ADRA2B: variants seen among roughly 807,000 people sequenced by gnomAD.
ADRA2B encodes alpha-2B adrenergic receptor.
In ADRA2B, 14 loss-of-function variants were observed where a neutral mutation model predicts 14.4. That is an observed-to-expected ratio of 0.97 (90% CI 0.64 to 1.52). ADRA2B has a LOEUF of 1.52. Ranked by LOEUF, ADRA2B falls within the 40% of genes most tolerant of loss-of-function variation. The pLI is 0.00. For missense variants in ADRA2B, 606 were observed against 603.2 expected (o/e 1.00, Z -0.05); for synonymous variants, 250 against 263.7 (o/e 0.95, Z 0.50).
chr2:96,115,694 G>T lies in ADRA2B; in HGVS notation c.456C>A (p.Gly152=). 1 of 1,613,554 alleles carries T rather than the reference G, an allele frequency of 6.2e-7. No individual in the cohort carries two copies. Among genetic ancestry groups the T allele is most frequent in the Non-Finnish European group, 8.5e-7 (1 of 1,179,814 alleles). Residue 152 remains glycine, a synonymous_variant, in exon 1 of 1, where the codon GGC becomes GGA. Transcript: ENST00000620793. ...GCCCGCGCGGCTGGGGGCCCTGGTC[G>T]CCCTTGTAGATGAGGGGCGGCAGCG... is the stretch of plus-strand genomic sequence containing the variant. The part of the protein sequence containing the change: ...VISLPPLIYK[G]DQGPQPRGRP...
rs372356977 is a variant in ADRA2B, at chr2:96,115,582, G to T, written c.568C>A (p.Leu190Ile). ...ATCAGGTAGATGCGCAGGTAGACAAGGATCATGATGAGGCAAGGAGCAAAG... is the reference window on the plus strand; with the variant it reads ...ATCAGGTAGATGCGCAGGTAGACAATGATCATGATGAGGCAAGGAGCAAAG... Reference protein sequence around the residue: ...SFFAPCLIMILVYLRIYLIAK... With the variant: ...SFFAPCLIMIIVYLRIYLIAK... Residue 190 changes from leucine to isoleucine, a missense_variant, in exon 1 of 1, where the codon CTT becomes ATT. Physicochemically the swap from Leu to Ile is conservative, Grantham distance 5. Transcript: ENST00000620793. 1 of 1,613,828 alleles carries T rather than the reference G, an allele frequency of 6.2e-7. No individual in the cohort carries two copies. The highest frequency in any genetic ancestry group is 8.5e-7 in the Non-Finnish European group (1 of 1,179,910).
At position 96,114,883 on chromosome 2, in the gene ADRA2B, G is replaced by A. The variant is rs764017593; in HGVS notation, c.1267C>T (p.Pro423Ser). ...TGGTTGAAGATGGTGTAGATAACAG[G>A]GTTCAGTGAGCTGTTGCAGTAGCCG... Reference protein sequence around the residue: ...WIGYCNSSLNPVIYTIFNQDF... With the variant: ...WIGYCNSSLNSVIYTIFNQDF... Residue 423 changes from proline to serine, a missense_variant, in exon 1 of 1, where the codon CCT becomes TCT. Coordinates refer to ENST00000620793, the MANE Select transcript of ADRA2B (RefSeq NM_000682.7). The A allele has an allele frequency of 3.7e-6, 6 of 1,613,744 alleles. No individual in the cohort carries two copies. In the East Asian group the frequency reaches 6.7e-5, roughly 18 times the overall value.
In ADRA2B at chr2:96,115,463, C is replaced by T. The variant is rs750494938; in HGVS notation, c.687G>A (p.Leu229=). The T allele has an allele frequency of 1.2e-6, 2 of 1,613,376 alleles. No individual in the cohort carries two copies. Among genetic ancestry groups the T allele is most frequent in the Non-Finnish European group, 1.7e-6 (2 of 1,179,778 alleles). ...CCAGGGCTGGCAGTTTGGCTGAGGC[C>T]AAAGCCCCACCATGGTCGGGTCGGG... is the stretch of plus-strand genomic sequence containing the variant. ...KQPRPDHGGA[L]ASAKLPALAS... Residue 229 remains leucine (L), a synonymous_variant, in exon 1 of 1, where the codon TTG becomes TTA. Coordinates refer to ENST00000620793, the MANE Select transcript of ADRA2B (RefSeq NM_000682.7).
Position 96,115,680 on chromosome 2 carries a change from T to C in ADRA2B, c.470A>G (p.Gln157Arg). The change falls in exon 1 of 1, where the codon CAG becomes CGG. Residue 157 changes from glutamine to arginine, a missense_variant. Transcript: ENST00000620793. ...CTTGCACTGGGGGCGCCCGCGCGGCTGGGGGCCCTGGTCGCCCTTGTAGAT... is the reference window on the plus strand; with the variant it reads ...CTTGCACTGGGGGCGCCCGCGCGGCCGGGGGCCCTGGTCGCCCTTGTAGAT... ...PLIYKGDQGP[Q>R]PRGRPQCKLN... 1.2e-6 allele frequency: 2 copies of C among 1,613,622 alleles called. No individual in the cohort carries two copies. The highest frequency in any genetic ancestry group is 1.7e-6 in the Non-Finnish European group (2 of 1,179,858).
Position 96,114,138 on chromosome 2 carries a change from G to A in ADRA2B, c.*659C>T, listed in dbSNP as rs1681809834. 4.1e-6 allele frequency: 4 copies of A among 985,764 alleles called. No homozygotes were observed. Among genetic ancestry groups the A allele is most frequent in the Non-Finnish European group, 3.6e-6 (3 of 829,978 alleles). The allele number at this position is 985,764 out of a possible 1,614,324, so 61.1% of individuals were successfully genotyped here. On this transcript the variant is annotated 3_prime_UTR_variant, in exon 1 of 1. Coordinates refer to ENST00000620793, the MANE Select transcript of ADRA2B (RefSeq NM_000682.7). ...CATCCACGTGGCCACCCACCTACCG[G>A]AGGGGTGCTGGGTAAGGAAGCCGAT...
rs1681831695 is a variant in ADRA2B at position 96,115,039 on chromosome 2, A to C, written c.1111T>G (p.Phe371Val). 1.6e-5 allele frequency: 26 copies of C among 1,613,682 alleles called. No individual in the cohort carries two copies. Among genetic ancestry groups the C allele is most frequent in the Non-Finnish European group, 2.1e-5 (25 of 1,179,818 alleles). ...AQLTREKRFT[F>V]VLAVVIGVFV... The stretch of plus-strand genomic sequence containing the variant: ...ACGCCAATGACCACAGCCAGCACGA[A>C]GGTGAAGCGCTTCTCCCGGGTCAGC... Residue 371 changes from phenylalanine (F) to valine (V), a missense_variant, in exon 1 of 1, where the codon TTC (phenylalanine) becomes GTC (valine). Coordinates refer to ENST00000620793, the MANE Select transcript of ADRA2B (RefSeq NM_000682.7).
rs753262027 is a variant in ADRA2B at position 96,115,804 on chromosome 2, G to C, written c.346C>G (p.Arg116Gly). 1.2e-6 allele frequency: 2 copies of C among 1,613,302 alleles called. No homozygotes were observed. Among genetic ancestry groups the C allele is most frequent in the Non-Finnish European group, 1.7e-6 (2 of 1,179,654 alleles). ...ISLDRYWAVS[R>G]ALEYNSKRTP... ...CGCTTGGAGTTGTACTCCAGCGCGC[G>C]GCTCACGGCCCAGTAGCGGTCCAGG... The change falls in exon 1 of 1, where the codon CGC becomes GGC. Residue 116 changes from arginine (R) to glycine (G), a missense_variant. Physicochemically the swap from Arg to Gly is moderately radical, Grantham distance 125. Coordinates refer to ENST00000620793, the MANE Select transcript of ADRA2B (RefSeq NM_000682.7).
rs1681869281 is a variant in ADRA2B at position 96,116,125 on chromosome 2, C to T, written c.25G>A (p.Val9Met). The change falls in exon 1 of 1, where the codon GTG (valine) becomes ATG (methionine). Residue 9 changes from valine (V) to methionine (M), a missense_variant. Transcript: ENST00000620793. Reference sequence around the variant, plus strand: ...GCCGCTATGGCCGCTGTGGCCTGCACGGAGTAGGGGTCCTGGTGGTCCATG... The same window carrying T: ...GCCGCTATGGCCGCTGTGGCCTGCATGGAGTAGGGGTCCTGGTGGTCCATG... MDHQDPYS[V>M]QATAAIAAAI... is the part of the protein sequence containing the mutation. 1.9e-6 allele frequency: 3 copies of T among 1,611,148 alleles called. No individual in the cohort carries two copies. The highest frequency in any genetic ancestry group is 1.3e-5 in the African/African-American group (1 of 74,914).
Position 96,115,555 on chromosome 2 carries a change from C to A in ADRA2B, c.595G>T (p.Ala199Ser). ...GGACCTCTGCGGTTGCTGCGTTTGG[C>A]GATCAGGTAGATGCGCAGGTAGACA... ...ILVYLRIYLI[A>S]KRSNRRGPRA... The change falls in exon 1 of 1, where the codon GCC becomes TCC. Residue 199 changes from alanine to serine, a missense_variant. By Grantham distance (99) the Ala-to-Ser change is moderately conservative. Transcript: ENST00000620793. The A allele has an allele frequency of 6.2e-7, 1 of 1,613,858 alleles. No individual in the cohort carries two copies. Among genetic ancestry groups the A allele is most frequent in the African/African-American group, 1.3e-5 (1 of 75,046 alleles).
chr2:96,115,795 C>G lies in ADRA2B; in HGVS notation c.355G>C (p.Glu119Gln), dbSNP rs1558709082. ...DRYWAVSRAL[E>Q]YNSKRTPRRI... ...CGCGGGGTGCGCTTGGAGTTGTACT[C>G]CAGCGCGCGGCTCACGGCCCAGTAG... Residue 119 changes from glutamate to glutamine, a missense_variant, in exon 1 of 1, where the codon GAG becomes CAG. Glu to Gln is a conservative substitution (Grantham distance 29, BLOSUM62 2). Coordinates refer to ENST00000620793, the MANE Select transcript of ADRA2B (RefSeq NM_000682.7). 1.9e-6 allele frequency: 3 copies of G among 1,613,070 alleles called. No individual in the cohort carries two copies. Among genetic ancestry groups the G allele is most frequent in the Non-Finnish European group, 2.5e-6 (3 of 1,179,612 alleles).
At position 96,115,363 on chromosome 2, in the gene ADRA2B, C is replaced by G. The variant is rs545761782; in HGVS notation, c.787G>C (p.Glu263Gln). The G allele has an allele frequency of 6.2e-7, 1 of 1,606,000 alleles. No homozygotes were observed. Among genetic ancestry groups the G allele is most frequent in the Admixed American group, 1.7e-5 (1 of 59,652 alleles). The change falls in exon 1 of 1, where the codon GAA becomes CAA. Residue 263 changes from glutamate to glutamine, a missense_variant. Coordinates refer to ENST00000620793, the MANE Select transcript of ADRA2B (RefSeq NM_000682.7). ...GGCAAGGCCCGGGTCCCAGTATCTT[C>G]AGGGGTCTCCCCCTCCTCCTTCTCC... ...TGEKEEGETP[E>Q]DTGTRALPPS...
rs762806467 is a variant in ADRA2B, at chr2:96,115,560, A to C, written c.590T>G (p.Leu197Arg). 2 of 1,613,888 alleles carry C rather than the reference A, an allele frequency of 1.2e-6. No homozygotes were observed. The highest frequency in any genetic ancestry group is 1.7e-6 in the Non-Finnish European group (2 of 1,179,896). ...IMILVYLRIY[L>R]IAKRSNRRGP... The stretch of plus-strand genomic sequence containing the variant: ...TCTGCGGTTGCTGCGTTTGGCGATC[A>C]GGTAGATGCGCAGGTAGACAAGGAT... The change falls in exon 1 of 1, where the codon CTG becomes CGG. Residue 197 changes from leucine to arginine, a missense_variant. Leu to Arg is a moderately radical substitution (Grantham distance 102, BLOSUM62 -2). Transcript: ENST00000620793.
chr2:96,116,134 G>T lies in ADRA2B; in HGVS notation c.16C>A (p.Pro6Thr), dbSNP rs755210240. The T allele has an allele frequency of 1.9e-6, 3 of 1,610,116 alleles. No individual in the cohort carries two copies. Among genetic ancestry groups the T allele is most frequent in the Admixed American group, 3.4e-5 (2 of 59,538 alleles). ...GCCGCTGTGGCCTGCACGGAGTAGGGGTCCTGGTGGTCCATGACGGGGCGG... is the reference window on the plus strand; with the variant it reads ...GCCGCTGTGGCCTGCACGGAGTAGGTGTCCTGGTGGTCCATGACGGGGCGG... MDHQD[P>T]YSVQATAAIA... is the part of the protein sequence containing the mutation. The change falls in exon 1 of 1, where the codon CCC becomes ACC. Residue 6 changes from proline (P) to threonine (T), a missense_variant. Pro to Thr is a conservative substitution (Grantham distance 38). Coordinates refer to ENST00000620793, the MANE Select transcript of ADRA2B (RefSeq NM_000682.7).
At position 96,114,917 on chromosome 2, in the gene ADRA2B, G is replaced by T; in HGVS notation, c.1233C>A (p.Phe411Leu). ...CKVPHGLFQF[F>L]FWIGYCNSSL... The stretch of plus-strand genomic sequence containing the variant: ...AGCTGTTGCAGTAGCCGATCCAGAA[G>T]AAGAACTGGAAGAGGCCATGGGGCA... Residue 411 changes from phenylalanine to leucine, a missense_variant, in exon 1 of 1, where the codon TTC (phenylalanine) becomes TTA (leucine). Transcript: ENST00000620793. 1 of 1,614,000 alleles carries T rather than the reference G, an allele frequency of 6.2e-7. No homozygotes were observed.
Position 96,113,033 on chromosome 2 carries a change from C to T in ADRA2B, c.*1764G>A. The T allele has an allele frequency of 2.5e-6, 1 of 398,254 alleles. No individual in the cohort carries two copies. The allele number at this position is 398,254 out of a possible 1,614,324, so 24.7% of individuals were successfully genotyped here. On this transcript the variant is annotated 3_prime_UTR_variant, in exon 1 of 1. Transcript: ENST00000620793. The stretch of plus-strand genomic sequence containing the variant: ...GCAGAGGGTCACAGTCAGTCCCTCT[C>T]CTGGCCCAGCTCCCCACCACATCCC...
rs768804034 is a variant in ADRA2B at position 96,114,957 on chromosome 2, G to C, written c.1193C>G (p.Pro398Arg). 5.6e-6 allele frequency: 9 copies of C among 1,613,434 alleles called. No homozygotes were observed. The highest frequency in any genetic ancestry group is 7.6e-6 in the Non-Finnish European group (9 of 1,179,612). ...GCCATGGGGCACCTTGCAGTGCTTC[G>C]GGCAGATGGCTCCCAGGCTGTAGCT... Reference protein sequence around the residue: ...FFSYSLGAICPKHCKVPHGLF... With the variant: ...FFSYSLGAICRKHCKVPHGLF... The change falls in exon 1 of 1, where the codon CCG becomes CGG. Residue 398 changes from proline (P) to arginine (R), a missense_variant. Pro to Arg is a moderately radical substitution (Grantham distance 103). Coordinates refer to ENST00000620793, the MANE Select transcript of ADRA2B (RefSeq NM_000682.7).
rs1681873843 is a variant in ADRA2B, at chr2:96,116,379, G to A, written c.-230C>T. 1.8e-6 allele frequency: 1 copy of A among 556,858 alleles called. No homozygotes were observed. The highest frequency in any genetic ancestry group is 3.2e-6 in the Non-Finnish European group (1 of 312,410). 34.5% of individuals were successfully genotyped at this position (556,858 alleles called of 1,614,324 possible). A position where few individuals can be genotyped will look rare whatever the true frequency, so the allele number is the denominator to read the frequency against. ...CCCGGGGTCCCTGCCGTCCGCCCCA[G>A]AGAAGTTTCCCAAGTTGTCCCGCCG... On this transcript the variant is annotated 5_prime_UTR_variant, in exon 1 of 1. Transcript: ENST00000620793.
Position 96,113,814 on chromosome 2 carries a change from C to T in ADRA2B, c.*983G>A, listed in dbSNP as rs781405076. On this transcript the variant is annotated 3_prime_UTR_variant, in exon 1 of 1. Coordinates refer to ENST00000620793, the MANE Select transcript of ADRA2B (RefSeq NM_000682.7). ...CTTGAAATAGTGATTCTGTCTGCCA[C>T]TCCCGGCTTCCAGTTCGGGGTAGGA... 1 of 780,046 alleles carries T rather than the reference C, an allele frequency of 1.3e-6. No homozygotes were observed. The highest frequency in any genetic ancestry group is 1.6e-6 in the Non-Finnish European group (1 of 642,198). 48.3% of individuals were successfully genotyped at this position (780,046 alleles called of 1,614,324 possible).
Position 96,115,461 on chromosome 2 carries a change from G to A in ADRA2B, c.689C>T (p.Ala230Val). The A allele has an allele frequency of 6.2e-7, 1 of 1,613,330 alleles. No individual in the cohort carries two copies. Among genetic ancestry groups the A allele is most frequent in the Non-Finnish European group, 8.5e-7 (1 of 1,179,772 alleles). Residue 230 changes from alanine to valine, a missense_variant, in exon 1 of 1, where the codon GCC becomes GTC. By Grantham distance (64) the Ala-to-Val change is moderately conservative. Coordinates refer to ENST00000620793, the MANE Select transcript of ADRA2B (RefSeq NM_000682.7). ...QPRPDHGGAL[A>V]SAKLPALASV... is the part of the protein sequence containing the mutation. ...GGCCAGGGCTGGCAGTTTGGCTGAGGCCAAAGCCCCACCATGGTCGGGTCG... is the reference window on the plus strand; with the variant it reads ...GGCCAGGGCTGGCAGTTTGGCTGAGACCAAAGCCCCACCATGGTCGGGTCG...
Sources: gnomAD v4.1 joint callset for allele counts on GRCh38, gnomAD v4.1.1 for gene constraint, MANE v1.5 for transcripts, NCBI Gene and HGNC (gene_info 2026-07-23, HGNC 2026-07-21) for gene names.